The following ADARB1 variants were observed in gnomAD, a reference collection of about 807,000 sequenced individuals.
ADARB1 encodes adenosine deaminase RNA specific B1.
In ADARB1, 10 loss-of-function variants were observed where a neutral mutation model predicts 52.4. That is an observed-to-expected ratio of 0.19 (90% confidence interval 0.12 to 0.32). The LOEUF (loss-of-function observed/expected upper bound fraction) is 0.32. ADARB1 is among the 10% of genes least tolerant of loss of function. The probability of loss-of-function intolerance (pLI) is 1.00; values close to 1 mark genes in which losing one functional copy is unlikely to be tolerated. For missense variants in ADARB1, 643 were observed against 922.3 expected (o/e 0.70, Z 3.92); for synonymous variants, 349 against 371.1 (o/e 0.94, Z 0.68).
At chr21:45,189,258 C>T (rs1466066676) in intron 8 of ADARB1, among the ~76,000 whole-genome samples, 1 of 151,870 alleles carries the variant, frequency 6.6e-6, no homozygotes. Context: ...GTATATTCTA[C>T]AGGTATTTTC....
At chr21:45,107,859 T>G (rs1017582237) in intron 1 of ADARB1, among the ~76,000 whole-genome samples, 9 of 152,210 alleles carry the variant, frequency 5.9e-5, no homozygotes, top group Non-Finnish European at 7.3e-5. Flanking sequence ...TCCAAAATAC[T>G]GCGACCAGCC....
At chr21:45,118,386 T>G (rs889274323) in intron 1 of ADARB1, among the ~76,000 whole-genome samples, 3 of 152,246 alleles carry the variant, frequency 2.0e-5, no homozygotes, top group Non-Finnish European at 1.5e-5. Context: ...GCTGACAGAC[T>G]TCTTAATTCA....
rs1181136621 is a variant in ADARB1 at position 45,221,743 on chromosome 21, A to G, written c.1927-275A>G. On this transcript the variant is annotated intron_variant, in intron 10 of 10. Coordinates refer to ENST00000348831, the MANE Select transcript of ADARB1 (RefSeq NM_001112.4). This position sits in a 1 kb window ranked among gnomAD's most constrained non-coding sequence, Gnocchi z 4.9. Reference sequence around the variant, plus strand: ...GTTAAAAATGAAACGTGAATCCACTATTGGTGGTTTCCCAGAAGCATGTCT... The same window carrying G: ...GTTAAAAATGAAACGTGAATCCACTGTTGGTGGTTTCCCAGAAGCATGTCT... Among the ~76,000 whole-genome samples the G allele has an allele frequency of 6.6e-6, 1 of 152,162 alleles. No homozygotes were observed. The highest frequency in any genetic ancestry group is 1.5e-5 in the Non-Finnish European group (1 of 68,016).
chr21:45,121,319 G>A (rs748875201), intron 1 of ADARB1, among the ~76,000 whole-genome samples: 7 of 152,210 alleles, frequency 4.6e-5, no homozygotes, highest in Admixed American at 2.0e-4. Context: ...TATCTCAGGT[G>A]TGATTTGTGT....
intron 2 of ADARB1, among the ~76,000 whole-genome samples, chr21:45,169,616 A>G (rs969977880): frequency 5.9e-5 from 9 of 152,138 alleles, no homozygotes; most frequent in Non-Finnish European, 1.3e-4. Context: ...CAGGATTTTT[A>G]GTTGTATTTA....
chr21:45,136,834 T>G (rs142333716), intron 2 of ADARB1, among the ~76,000 whole-genome samples: 417 of 152,332 alleles, frequency 2.7e-3, no homozygotes, highest in African/African-American at 9.6e-3. Flanking sequence ...CAAGGGAGTT[T>G]GTGACTTGGG....
At chr21:45,144,412 T>C (rs2089905730) in intron 2 of ADARB1, among the ~76,000 whole-genome samples, 2 of 152,210 alleles carry the variant, frequency 1.3e-5, no homozygotes. Flanking sequence ...TAAACAGTTA[T>C]TAACTTGCAA....
chr21:45,156,680 CA>C (rs1289093498), intron 2 of ADARB1, among the ~76,000 whole-genome samples: 1 of 152,180 alleles, frequency 6.6e-6, no homozygotes, highest in Non-Finnish European at 1.5e-5. Flanking sequence ...CCCACGCACC[CA>C]CTTCTCTACA....
chr21:45,078,121 GT>G (rs2086018215), intron 1 of ADARB1, among the ~76,000 whole-genome samples: 1 of 151,868 alleles, frequency 6.6e-6, no homozygotes. Context: ...CCTATAAGAT[GT>G]CCTAGGCGTA....
At chr21:45,077,665 TAA>T (rs1294862430) in intron 1 of ADARB1, among the ~76,000 whole-genome samples, 19 of 136,956 alleles carry the variant, frequency 1.4e-4, no homozygotes, top group Admixed American at 1.5e-4. Context: ...AGACGCCGTC[TAA>T]AAAAAAAAAA....
Position 45,223,685 on chromosome 21 carries a change from C to G in ADARB1, c.*1488C>G, listed in dbSNP as rs746976267. 2.0e-6 allele frequency: 2 copies of G among 985,412 alleles called. No homozygotes were observed. Among genetic ancestry groups the G allele is most frequent in the South Asian group, 9.4e-5 (2 of 21,292 alleles). The allele number at this position is 985,412 out of a possible 1,614,324, so 61.0% of individuals were successfully genotyped here. A position where few individuals can be genotyped will look rare whatever the true frequency, so the allele number is the denominator to read the frequency against. ...TGGCACCTGTGTGTCCGTGATGAGC[C>G]TAGGAAACCAGAGCAGGGGCAGAGG... On this transcript the variant is annotated 3_prime_UTR_variant, in exon 11 of 11. Transcript: ENST00000348831.
chr21:45,145,301 C>T (rs2089953311), intron 2 of ADARB1: 1 of 152,436 alleles, frequency 6.6e-6, no homozygotes, highest in Non-Finnish European at 1.5e-5. Flanking sequence ...TGGTGTCAGT[C>T]AAGGGGCAGA....
chr21:45,093,370 T>C (rs2123693674), intron 1 of ADARB1, among the ~76,000 whole-genome samples: 1 of 152,326 alleles, frequency 6.6e-6, no homozygotes, highest in Non-Finnish European at 1.5e-5. Context: ...GGCTTGGCTC[T>C]TCTAGGTCTG....
At position 45,204,592 on chromosome 21, in the gene ADARB1, A is replaced by G; in HGVS notation, c.1603A>G (p.Ile535Val). ...GGGCATCCAGGGATCCCTGCTCAGCATTTTCGTGGAGCCCATTTACTTCTC... is the reference window on the plus strand; with the variant it reads ...GGGCATCCAGGGATCCCTGCTCAGCGTTTTCGTGGAGCCCATTTACTTCTC... ...VVGIQGSLLS[I>V]FVEPIYFSSI... Residue 535 changes from isoleucine (I) to valine (V), a missense_variant, in exon 9 of 11, where the codon ATT becomes GTT. Coordinates refer to ENST00000348831, the MANE Select transcript of ADARB1 (RefSeq NM_001112.4). The surrounding 1 kb of genome is among the most constrained non-coding windows in gnomAD (Gnocchi z 4.4). 6 of 1,613,924 alleles carry G rather than the reference A, an allele frequency of 3.7e-6. No individual in the cohort carries two copies. Among genetic ancestry groups the G allele is most frequent in the South Asian group, 2.2e-5 (2 of 91,062 alleles).
Position 45,208,477 on chromosome 21 carries a change from C to T in ADARB1, c.1747+3741C>T, listed in dbSNP as rs913733825. On this transcript the variant is annotated intron_variant, in intron 9 of 10. Transcript: ENST00000348831. This position sits in a 1 kb window ranked among gnomAD's most constrained non-coding sequence, Gnocchi z 5.6. ...GCCCAGGTGTGTGGCAGGAAGAAGGCAGGTGCCTGCTGAGCTGCTATCCAC... is the reference window on the plus strand; with the variant it reads ...GCCCAGGTGTGTGGCAGGAAGAAGGTAGGTGCCTGCTGAGCTGCTATCCAC... Among the ~76,000 whole-genome samples, 1 of 152,196 alleles carries T rather than the reference C, an allele frequency of 6.6e-6. No individual in the cohort carries two copies. The highest frequency in any genetic ancestry group is 1.5e-5 in the Non-Finnish European group (1 of 68,020).
intron 1 of ADARB1, among the ~76,000 whole-genome samples, chr21:45,096,792 G>C (rs2086780751): frequency 6.6e-6 from 1 of 152,214 alleles, no homozygotes; most frequent in Non-Finnish European, 1.5e-5. Flanking sequence ...GTCTGTCTCT[G>C]TCGCCCAGGC....
chr21:45,116,277 G>A (rs2087817261), intron 1 of ADARB1, among the ~76,000 whole-genome samples: 1 of 152,272 alleles, frequency 6.6e-6, no homozygotes, highest in Non-Finnish European at 1.5e-5. Flanking sequence ...GGTAGGGCCT[G>A]CGCCTGTGCT....
intron 1 of ADARB1, among the ~76,000 whole-genome samples, chr21:45,109,646 C>T (rs2087445496): frequency 6.6e-6 from 1 of 152,172 alleles, no homozygotes; most frequent in Non-Finnish European, 1.5e-5. Flanking sequence ...GTAGAAGGCC[C>T]TCAAATACTT....
At chr21:45,108,694 T>TA (rs2087368053) in intron 1 of ADARB1, among the ~76,000 whole-genome samples, 1 of 152,050 alleles carries the variant, frequency 6.6e-6, no homozygotes, top group African/African-American at 2.4e-5. Flanking sequence ...TAAATTTAGG[T>TA]AGTTTCCACA....
Sources: gnomAD v4.1 joint callset for allele counts (sites outside exome capture counted in the v4.1 genomes callset) on GRCh38, gnomAD v4.1.1 for gene constraint, Gnocchi (gnomAD v3.1) non-coding constraint, MANE v1.5 for transcripts, NCBI Gene and HGNC (gene_info 2026-07-23, HGNC 2026-07-21) for gene names.